The following MYO5A variants were observed in gnomAD, a reference collection of about 807,000 sequenced individuals.
MYO5A encodes unconventional myosin-Va.
In MYO5A, 98 loss-of-function variants were observed where a neutral mutation model predicts 249.7. That is an observed-to-expected ratio of 0.39 (90% CI 0.33 to 0.46). The LOEUF (loss-of-function observed/expected upper bound fraction) is 0.46. Ranked by LOEUF, MYO5A falls within the 20% of genes least tolerant of loss-of-function variation. MYO5A has a pLI of 0.98. For missense variants in MYO5A, 1,696 were observed against 2,308.8 expected, an observed-to-expected ratio of 0.73 and a Z score of 5.44; for synonymous variants, 778 against 810.6, an observed-to-expected ratio of 0.96 and a Z score of 0.68.
intron 9 of MYO5A, 96 bp from the exon 10 acceptor site, chr15:52,397,562 A>G (rs1277187971): frequency 7.7e-6 from 11 of 1,427,370 alleles, no homozygotes; most frequent in Non-Finnish European, 9.8e-6. Context: ...AAAATTCAGC[A>G]ATTTCTTTGT....
intron 1 of MYO5A, among the ~76,000 whole-genome samples, chr15:52,491,712 C>T (rs186173595): frequency 6.6e-6 from 1 of 152,094 alleles, no homozygotes. Context: ...ATTAATCAAA[C>T]GGAAATTAAG....
intron 12 of MYO5A, among the ~76,000 whole-genome samples, chr15:52,390,292 T>C (rs2042162943): frequency 6.6e-6 from 1 of 152,078 alleles, no homozygotes; most frequent in African/African-American, 2.4e-5. Flanking sequence ...AAAAGATAAA[T>C]GCTTGAGGGG....
intron 1 of MYO5A, among the ~76,000 whole-genome samples, chr15:52,479,080 C>G (rs1387681116): frequency 1.3e-5 from 2 of 151,992 alleles, no homozygotes; most frequent in African/African-American, 2.4e-5. Flanking sequence ...ACTGTAACCT[C>G]TGCCCCCTGG....
intron 34 of MYO5A, chr15:52,331,798 T>C (rs1390404054): frequency 1.0e-6 from 1 of 985,244 alleles, no homozygotes; most frequent in African/African-American, 1.7e-5. Context: ...GAAAATCTGG[T>C]TTAGGTGAAG....
intron 27 of MYO5A, 67 bp from the exon 28 acceptor site, chr15:52,351,548 C>T: frequency 6.9e-7 from 1 of 1,446,998 alleles, no homozygotes; most frequent in Non-Finnish European, 9.7e-7. Flanking sequence ...GCTCAAACTT[C>T]TCCCAAGCTG....
chr15:52,334,317 T>G (rs1214837876), intron 34 of MYO5A, among the ~76,000 whole-genome samples: 1 of 152,216 alleles, frequency 6.6e-6, no homozygotes, highest in Non-Finnish European at 1.5e-5. Flanking sequence ...TCTCACATGT[T>G]AATACACTTA....
At chr15:52,321,012 C>CA (rs202041721) in intron 38 of MYO5A, among the ~76,000 whole-genome samples, 2,658 of 89,174 alleles carry the variant, frequency 0.03, 70 homozygotes, top group African/African-American at 0.082. Flanking sequence ...GACTCTGTCT[C>CA]AAAAAAAAAA....
rs2037814118 is a variant in MYO5A at position 52,312,539 on chromosome 15, G to A, written c.*1157C>T. 1 of 152,188 alleles carries A rather than the reference G, an allele frequency of 6.6e-6. No individual in the cohort carries two copies. The highest frequency in any genetic ancestry group is 6.5e-5 in the Admixed American group (1 of 15,278). 9.4% of individuals were successfully genotyped at this position (152,188 alleles called of 1,614,324 possible). On this transcript the variant is annotated 3_prime_UTR_variant, in exon 42 of 42. Transcript: ENST00000399233. ...CGCCCGGCTAATTTTTGTATTTTTA[G>A]TAGAGACAGGGTTTCGCCATGTTGG...
Position 52,528,809 on chromosome 15 carries a change from C to A in MYO5A, c.-3G>T, listed in dbSNP as rs769531156. On this transcript the variant is annotated 5_prime_UTR_variant, in exon 1 of 42. Coordinates refer to ENST00000399233, the MANE Select transcript of MYO5A (RefSeq NM_001382347.1). ...GTGTAGAGCTCCGACGCAGCCATGG[C>A]GGGCCCCGCGCGCCTACGCCCCCCG... 2 of 1,488,998 alleles carry A rather than the reference C, an allele frequency of 1.3e-6. No individual in the cohort carries two copies. Among genetic ancestry groups the A allele is most frequent in the Admixed American group, 2.2e-5 (1 of 44,910 alleles). 92.2% of individuals were successfully genotyped at this position (1,488,998 alleles called of 1,614,324 possible).
intron 4 of MYO5A, among the ~76,000 whole-genome samples, chr15:52,422,873 T>C (rs2075310015): frequency 6.6e-6 from 1 of 152,096 alleles, no homozygotes; most frequent in Non-Finnish European, 1.5e-5. Context: ...CAGGCCACCA[T>C]GCCTGGCTAG....
At chr15:52,371,012 C>T (rs1185031902) in intron 21 of MYO5A, among the ~76,000 whole-genome samples, 1 of 151,956 alleles carries the variant, frequency 6.6e-6, no homozygotes, top group African/African-American at 2.4e-5. Context: ...ACTTGGGAGG[C>T]TGAGGCAGGA....
intron 10 of MYO5A, among the ~76,000 whole-genome samples, 173 bp from the exon 11 acceptor site, chr15:52,396,570 C>G (rs1210913046): frequency 2.0e-5 from 3 of 152,008 alleles, no homozygotes; most frequent in Non-Finnish European, 4.4e-5. Flanking sequence ...GGAATATGTA[C>G]CCAGCAGATG....
At chr15:52,349,935 T>TGATTAC in intron 28 of MYO5A, among the ~76,000 whole-genome samples, 1 of 152,280 alleles carries the variant, frequency 6.6e-6, no homozygotes, top group South Asian at 2.1e-4. Flanking sequence ...ATTATGATTA[T>TGATTAC]GATTATGATT....
intron 16 of MYO5A, among the ~76,000 whole-genome samples, 171 bp from the exon 17 acceptor site, chr15:52,380,079 G>A (rs1567070106): frequency 1.3e-5 from 2 of 152,110 alleles, no homozygotes. Flanking sequence ...GAGAGAATGG[G>A]GAGGAGATGA....
chr15:52,307,939 A>T lies in MYO5A; in HGVS notation c.*5757T>A, dbSNP rs909353622. On this transcript the variant is annotated 3_prime_UTR_variant, in exon 42 of 42. Transcript: ENST00000399233. ...ATATATATCCACATTTAAAGAAAAA[A>T]TTCACCATTTGTTGGGAAAAAATAA... 1 of 152,182 alleles carries T rather than the reference A, an allele frequency of 6.6e-6. No homozygotes were observed. The highest frequency in any genetic ancestry group is 1.5e-5 in the Non-Finnish European group (1 of 68,006). The allele number at this position is 152,182 out of a possible 1,614,324, so 9.4% of individuals were successfully genotyped here.
chr15:52,450,855 T>TTTTTTTTTTTTTTTTG (rs2076006107), intron 1 of MYO5A, among the ~76,000 whole-genome samples: 20 of 144,372 alleles, frequency 1.4e-4, no homozygotes, highest in African/African-American at 3.6e-4. Flanking sequence ...TTTTTTTTTT[T>TTTTTTTTTTTTTTTTG]TTTTTTTTTT....
intron 14 of MYO5A, among the ~76,000 whole-genome samples, chr15:52,386,685 T>C (rs1051175788): frequency 6.6e-6 from 1 of 152,040 alleles, no homozygotes; most frequent in African/African-American, 2.4e-5. Context: ...TACCTGAAAC[T>C]ATAGCCATGC....
At position 52,330,597 on chromosome 15, in the gene MYO5A, C is replaced by T. The variant is rs1371601567; in HGVS notation, c.4409-98G>A. ...AATTTTGAATGCATTCTACAACAAC[C>T]GAAACTTGCCATATTTGCCACTTAA... On this transcript the variant is annotated intron_variant, in intron 34 of 41. Coordinates refer to ENST00000399233, the MANE Select transcript of MYO5A (RefSeq NM_001382347.1). The T allele has an allele frequency of 1.5e-5, 21 of 1,403,984 alleles. 1 individual carries two copies. Among genetic ancestry groups the T allele is most frequent in the South Asian group, 2.5e-5 (2 of 81,150 alleles). The allele number at this position is 1,403,984 out of a possible 1,614,324, so 87.0% of individuals were successfully genotyped here.
At chr15:52,419,400 C>A (rs556953947) in intron 4 of MYO5A, among the ~76,000 whole-genome samples, 1 of 152,172 alleles carries the variant, frequency 6.6e-6, no homozygotes, top group African/African-American at 2.4e-5. Flanking sequence ...AGACTTTAAT[C>A]TCTCTCTTGT....
Sources: gnomAD v4.1 joint callset for allele counts (sites outside exome capture counted in the v4.1 genomes callset) on GRCh38, gnomAD v4.1.1 for gene constraint, MANE v1.5 for transcripts, NCBI Gene and HGNC (gene_info 2026-07-23, HGNC 2026-07-21) for gene names.